The following DNAJC11 variants were observed in gnomAD, a reference collection of about 807,000 sequenced individuals.
DNAJC11 encodes the protein DnaJ heat shock protein family (Hsp40) member C11, also known as dnaJ homolog subfamily C member 11.
A neutral mutation model predicts 78.6 loss-of-function variants in DNAJC11; 15 were observed. The ratio of observed to expected loss-of-function variants is 0.19; its 90% CI spans 0.13 to 0.29. The LOEUF (loss-of-function observed/expected upper bound fraction) is 0.29, where lower values mean the gene tolerates loss of function less well. Among genes scored for constraint, DNAJC11 ranks in the 10% least tolerant of loss-of-function variants. DNAJC11 has a pLI of 1.00. For synonymous variants in DNAJC11, 292 were observed against 272.1 expected (o/e 1.07, Z -0.72); for missense variants, 547 against 709.6 (o/e 0.77, Z 2.60).
rs1189116850 is a variant in DNAJC11, at chr1:6,653,004, A to G, written c.508-53T>C. Reference sequence around the variant, plus strand: ...TGAATCAAAACAACAGGAAGTGCCAATGGCAGCAGCCTAAAGAACGCACTG... The same window carrying G: ...TGAATCAAAACAACAGGAAGTGCCAGTGGCAGCAGCCTAAAGAACGCACTG... On this transcript the variant is annotated intron_variant, in intron 5 of 15. Transcript: ENST00000377577. This position sits in a 1 kb window ranked among gnomAD's most constrained non-coding sequence, Gnocchi z 4.5. 1.9e-6 allele frequency: 3 copies of G among 1,610,630 alleles called. No homozygotes were observed. Among genetic ancestry groups the G allele is most frequent in the Non-Finnish European group, 8.5e-7 (1 of 1,177,808 alleles).
At position 6,645,919 on chromosome 1, in the gene DNAJC11, G is replaced by A; in HGVS notation, c.764C>T (p.Thr255Ile). The change falls in exon 8 of 16, where the codon ACC becomes ATC. Residue 255 changes from threonine (T) to isoleucine (I), a missense_variant. Thr to Ile is a moderately conservative substitution (Grantham distance 89). Coordinates refer to ENST00000377577, the MANE Select transcript of DNAJC11 (RefSeq NM_018198.4). The surrounding 1 kb of genome is among the most constrained non-coding windows in gnomAD (Gnocchi z 4.1). ...GTCTAGGTTCCGAGCTAGGACAGTGGTCAGGCCGGGTCGGATTCCACGGGA... is the reference window on the plus strand; with the variant it reads ...GTCTAGGTTCCGAGCTAGGACAGTGATCAGGCCGGGTCGGATTCCACGGGA... ...FSSRGIRPGL[T>I]TVLARNLDKN... The A allele has an allele frequency of 6.2e-7, 1 of 1,614,186 alleles. No individual in the cohort carries two copies. Among genetic ancestry groups the A allele is most frequent in the Non-Finnish European group, 8.5e-7 (1 of 1,180,036 alleles).
chr1:6,656,557 G>T (rs1557473941), intron 4 of DNAJC11, among the ~76,000 whole-genome samples: 1 of 151,876 alleles, frequency 6.6e-6, no homozygotes, highest in Non-Finnish European at 1.5e-5. Context: ...TTAAAAATAT[G>T]ATATACAGAG....
chr1:6,639,912 G>C lies in DNAJC11; in HGVS notation c.1243C>G (p.Gln415Glu), dbSNP rs754838079. 4 of 1,612,662 alleles carry C rather than the reference G, an allele frequency of 2.5e-6. No individual in the cohort carries two copies. The African/African-American group carries it at 5.3e-5, about 22-fold the overall frequency. The change falls in exon 11 of 16, where the codon CAG (glutamine) becomes GAG (glutamate). Residue 415 changes from glutamine (Q) to glutamate (E), a missense_variant. Transcript: ENST00000377577. ...GACGTGTCAACTCACTTCTCTTTCT[G>C]AGCCCTGAGGTATGGTTTGATGATC... is the stretch of plus-strand genomic sequence containing the variant. ...RLIIKPYLRA[Q>E]KEKELEKQRE...
In DNAJC11 at chr1:6,693,927, C is replaced by T. The variant is rs529172728; in HGVS notation, c.72+7802G>A. 1.8e-3 allele frequency among the ~76,000 whole-genome samples: 276 copies of T among 151,164 alleles called. 1 individual carries two copies. The highest frequency in any genetic ancestry group is 3.0e-3 in the Non-Finnish European group (202 of 67,816). On this transcript the variant is annotated intron_variant, in intron 1 of 15. Transcript: ENST00000377577. ...CGATCTCTGCTCACGGCAACCTCCA[C>T]CTCCCAGCAGAGATTCTCCTGCTTC...
intron 1 of DNAJC11, among the ~76,000 whole-genome samples, chr1:6,699,297 T>TAAAC (rs1028248670): frequency 2.0e-5 from 3 of 152,134 alleles, no homozygotes; most frequent in Non-Finnish European, 4.4e-5. Flanking sequence ...ACCCTGTCTC[T>TAAAC]AAACAAACAA....
chr1:6,670,553 T>G (rs1642364972), intron 3 of DNAJC11: 2 of 152,172 alleles, frequency 1.3e-5, no homozygotes, highest in Admixed American at 6.5e-5. Flanking sequence ...CTTTAAACAT[T>G]AAAAATATTG....
intron 4 of DNAJC11, among the ~76,000 whole-genome samples, chr1:6,661,802 A>G (rs1642216621): frequency 6.6e-6 from 1 of 152,244 alleles, no homozygotes; most frequent in South Asian, 2.1e-4. Context: ...AGTCATAACC[A>G]TGGGCGACTT....
chr1:6,694,154 T>G (rs1440711321), intron 1 of DNAJC11, among the ~76,000 whole-genome samples: 1 of 152,012 alleles, frequency 6.6e-6, no homozygotes, highest in Non-Finnish European at 1.5e-5. Context: ...TTCTAAGAGA[T>G]AGTTTAATTA....
chr1:6,673,784 C>T (rs1642418671), intron 3 of DNAJC11, among the ~76,000 whole-genome samples: 1 of 152,228 alleles, frequency 6.6e-6, no homozygotes. Flanking sequence ...TTAGTCTTCT[C>T]TGCTCTGTGA....
At chr1:6,640,632 G>A (rs1003810171) in intron 10 of DNAJC11, among the ~76,000 whole-genome samples, 1 of 152,068 alleles carries the variant, frequency 6.6e-6, no homozygotes, top group Non-Finnish European at 1.5e-5. Flanking sequence ...AGGAATTTGA[G>A]ACCAGCCTGG....
At chr1:6,693,082 T>C (rs939758069) in intron 1 of DNAJC11, among the ~76,000 whole-genome samples, 4 of 151,126 alleles carry the variant, frequency 2.6e-5, no homozygotes, top group Non-Finnish European at 5.9e-5. Flanking sequence ...ATTTTTTTTT[T>C]TCGTATTTTT....
intron 10 of DNAJC11, among the ~76,000 whole-genome samples, chr1:6,641,338 T>G (rs1320233453): frequency 7.0e-6 from 1 of 143,362 alleles, no homozygotes; most frequent in Non-Finnish European, 1.5e-5. Context: ...GTGAGCCAAA[T>G]GCACTCCAGT....
In DNAJC11 at chr1:6,635,007, C is replaced by G. The variant is rs1435070369; in HGVS notation, c.*668G>C. On this transcript the variant is annotated 3_prime_UTR_variant, in exon 16 of 16. Coordinates refer to ENST00000377577, the MANE Select transcript of DNAJC11 (RefSeq NM_018198.4). ...GGAAGCCACCTGTGTCAGGGCTAGG[C>G]CCTGGGATCGGGAGTTACACTACCC... The G allele has an allele frequency of 1.8e-6, 1 of 552,964 alleles. No individual in the cohort carries two copies. The highest frequency in any genetic ancestry group is 2.7e-6 in the Non-Finnish European group (1 of 376,088). 34.3% of individuals were successfully genotyped at this position (552,964 alleles called of 1,614,324 possible).
intron 4 of DNAJC11, among the ~76,000 whole-genome samples, chr1:6,660,588 A>G (rs1014375286): frequency 6.6e-6 from 1 of 152,222 alleles, no homozygotes; most frequent in Non-Finnish European, 1.5e-5. Context: ...TGTCTGGCAC[A>G]TTACAGGCAC....
chr1:6,644,916 C>T, intron 9 of DNAJC11, 125 bp downstream of exon 9: 1 of 961,978 alleles, frequency 1.0e-6, no homozygotes, highest in East Asian at 2.4e-5. Flanking sequence ...AAATAGGAAG[C>T]TCTCCAAAAA....
At chr1:6,638,758 C>T (rs1054765244) in intron 11 of DNAJC11, among the ~76,000 whole-genome samples, 1 of 152,204 alleles carries the variant, frequency 6.6e-6, no homozygotes, top group Non-Finnish European at 1.5e-5. Flanking sequence ...AACTCCTGGG[C>T]TCAAGTGATC....
intron 3 of DNAJC11, among the ~76,000 whole-genome samples, chr1:6,672,004 T>C (rs988341568): frequency 1.3e-5 from 2 of 152,086 alleles, no homozygotes; most frequent in Non-Finnish European, 2.9e-5. Context: ...CCAGCCAGTT[T>C]TTTTATCTTT....
chr1:6,650,845 G>T (rs1477658275), intron 7 of DNAJC11, among the ~76,000 whole-genome samples: 1 of 152,114 alleles, frequency 6.6e-6, no homozygotes, highest in Non-Finnish European at 1.5e-5. Context: ...CGCACTCCAG[G>T]CTGGGCAAGA....
At chr1:6,664,970 C>T (rs986306428) in intron 4 of DNAJC11, among the ~76,000 whole-genome samples, 8 of 152,170 alleles carry the variant, frequency 5.3e-5, no homozygotes, top group East Asian at 1.9e-4. Context: ...GCGTTTCAGG[C>T]GGCAATATCA....
Sources: allele counts gnomAD v4.1 joint callset (sites outside exome capture counted in the v4.1 genomes callset), GRCh38; gene constraint gnomAD v4.1.1; non-coding constraint Gnocchi (gnomAD v3.1); transcripts MANE v1.5; gene names NCBI Gene and HGNC (gene_info 2026-07-23, HGNC 2026-07-21).